The following ANKS1B variants were observed in gnomAD, a reference collection of about 807,000 sequenced individuals.
The protein encoded by ANKS1B is ankyrin repeat and sterile alpha motif domain containing 1B.
In ANKS1B, 36 loss-of-function variants were observed where a neutral mutation model predicts 148.3. The observed-to-expected ratio is 0.24, with a 90% CI of 0.19 to 0.32. ANKS1B has a LOEUF of 0.32. ANKS1B is among the 10% of genes least tolerant of loss of function. ANKS1B has a pLI of 1.00. For synonymous variants in ANKS1B, 542 were observed against 560.8 expected (o/e 0.97, Z 0.47); for missense variants, 1,157 against 1,542.6 (o/e 0.75, Z 4.19).
chr12:99,102,425 CTT>C (rs1452851974), intron 15 of ANKS1B, among the ~76,000 whole-genome samples: 2 of 152,070 alleles, frequency 1.3e-5, no homozygotes, highest in East Asian at 3.9e-4. Context: ...TCTTCTTCTT[CTT>C]CTTCTTCTTT....
chr12:99,206,059 A>T (rs1455522811), intron 14 of ANKS1B, among the ~76,000 whole-genome samples: 2 of 152,194 alleles, frequency 1.3e-5, no homozygotes, highest in Non-Finnish European at 2.9e-5. Context: ...CCAAAAGATA[A>T]GACTACCATG....
chr12:98,895,071 C>A, intron 17 of ANKS1B: 4 of 964,414 alleles, frequency 4.1e-6, no homozygotes, highest in Non-Finnish European at 4.9e-6. Context: ...TCCGCGGCTG[C>A]TGCCCGGGGT....
chr12:99,761,141 A>G (rs2062072283), intron 8 of ANKS1B, among the ~76,000 whole-genome samples: 1 of 151,008 alleles, frequency 6.6e-6, no homozygotes, highest in Non-Finnish European at 1.5e-5. Context: ...AAGAGCTGGT[A>G]TTAATTCTGC....
chr12:99,955,786 TG>T (rs1237004328), intron 1 of ANKS1B, among the ~76,000 whole-genome samples: 2 of 152,062 alleles, frequency 1.3e-5, no homozygotes, highest in Non-Finnish European at 2.9e-5. Flanking sequence ...ACCAGGCATG[TG>T]GGGGTGGGTG....
At chr12:99,646,701 C>CTGTG (rs540206064) in intron 9 of ANKS1B, among the ~76,000 whole-genome samples, 2 of 138,500 alleles carry the variant, frequency 1.4e-5, no homozygotes, top group Non-Finnish European at 3.1e-5. Flanking sequence ...GGCTATGGCT[C>CTGTG]TGTGTGTGTG....
chr12:99,009,444 GC>G (rs1173926402), intron 17 of ANKS1B, among the ~76,000 whole-genome samples: 1 of 152,120 alleles, frequency 6.6e-6, no homozygotes, highest in Non-Finnish European at 1.5e-5. Flanking sequence ...TCGGTTCTAT[GC>G]CCCCCAGACT....
At chr12:99,955,543 T>C (rs2095309485) in intron 1 of ANKS1B, among the ~76,000 whole-genome samples, 1 of 135,826 alleles carries the variant, frequency 7.4e-6, no homozygotes, top group Non-Finnish European at 1.6e-5. Flanking sequence ...TTCTCCTGTC[T>C]AACTTTGGAG....
chr12:99,190,423 T>C (rs1286433435), intron 14 of ANKS1B, among the ~76,000 whole-genome samples: 5 of 152,092 alleles, frequency 3.3e-5, no homozygotes, highest in Admixed American at 6.6e-5. Context: ...GGGGACATCA[T>C]GCTACCTGAC....
At chr12:99,652,657 A>T (rs539394338) in intron 9 of ANKS1B, among the ~76,000 whole-genome samples, 27 of 152,190 alleles carry the variant, frequency 1.8e-4, no homozygotes, top group Non-Finnish European at 3.2e-4. Context: ...AGTACTTACA[A>T]AATACAGATT....
intron 2 of ANKS1B, among the ~76,000 whole-genome samples, chr12:99,812,550 CACACACACAGAGAG>C (rs1171166231): frequency 0.01 from 990 of 95,744 alleles, 16 homozygotes; most frequent in African/African-American, 0.036. Context: ...CACACACACA[CACACACACAGAGAG>C]AGAGAGAGAG....
At chr12:99,468,220 A>T (rs2096167873) in intron 10 of ANKS1B, among the ~76,000 whole-genome samples, 1 of 152,182 alleles carries the variant, frequency 6.6e-6, no homozygotes, top group African/African-American at 2.4e-5. Flanking sequence ...TGGTGCTGGG[A>T]AAACTGGCTA....
intron 8 of ANKS1B, among the ~76,000 whole-genome samples, chr12:99,709,023 TTA>T (rs1254480878): frequency 3.9e-5 from 6 of 152,144 alleles, no homozygotes; most frequent in Non-Finnish European, 8.8e-5. Context: ...AAACACTTTA[TTA>T]ATTGTTCTGG....
chr12:98,834,238 T>A (rs1422658121), intron 17 of ANKS1B, among the ~76,000 whole-genome samples: 1 of 152,232 alleles, frequency 6.6e-6, no homozygotes, highest in African/African-American at 2.4e-5. Context: ...ATCATTTCAG[T>A]TGACATCCTC....
At chr12:99,050,553 T>A (rs1335054823) in intron 17 of ANKS1B, among the ~76,000 whole-genome samples, 2 of 152,164 alleles carry the variant, frequency 1.3e-5, no homozygotes, top group Non-Finnish European at 2.9e-5. Flanking sequence ...GATTTTGGCC[T>A]TAAGGTCTAA....
chr12:99,744,513 C>A (rs759243501), intron 8 of ANKS1B, among the ~76,000 whole-genome samples: 24 of 152,174 alleles, frequency 1.6e-4, no homozygotes, highest in Admixed American at 1.1e-3. Context: ...TGAAGGAAAT[C>A]CTGAAATCAA....
At chr12:99,259,460 G>A (rs1261249892) in intron 12 of ANKS1B, among the ~76,000 whole-genome samples, 1 of 152,218 alleles carries the variant, frequency 6.6e-6, no homozygotes, top group East Asian at 1.9e-4. Context: ...TACTGCGGAA[G>A]CCAGAGAATG....
intron 12 of ANKS1B, among the ~76,000 whole-genome samples, chr12:99,272,806 C>A (rs2153990111): frequency 6.6e-6 from 1 of 152,268 alleles, no homozygotes; most frequent in East Asian, 1.9e-4. Context: ...TAAAAAGCAT[C>A]ATTTGAAGAT....
At chr12:99,762,246 C>G (rs1377118422) in intron 8 of ANKS1B, among the ~76,000 whole-genome samples, 1 of 151,854 alleles carries the variant, frequency 6.6e-6, no homozygotes, top group Non-Finnish European at 1.5e-5. Flanking sequence ...CCAAAGTAAT[C>G]CTAAAAGAAT....
At chr12:99,615,414 C>T (rs1211659619) in intron 9 of ANKS1B, among the ~76,000 whole-genome samples, 4 of 152,122 alleles carry the variant, frequency 2.6e-5, no homozygotes, top group African/African-American at 9.7e-5. Context: ...ATATCACTTT[C>T]TTCCAAAGTA....
Sources: gnomAD v4.1 joint callset for allele counts (sites outside exome capture counted in the v4.1 genomes callset) on GRCh38, gnomAD v4.1.1 for gene constraint, MANE v1.5 for transcripts, NCBI Gene and HGNC (gene_info 2026-07-23, HGNC 2026-07-21) for gene names.